The following ZFHX3 variants were observed in gnomAD, a reference collection of about 807,000 sequenced individuals.
ZFHX3 encodes the protein zinc finger homeobox 3.
ZFHX3 carries 42 observed loss-of-function variants against 279.1 expected under a neutral mutation model. The ratio of observed to expected loss-of-function variants is 0.15; its 90% CI spans 0.12 to 0.19. The LOEUF (loss-of-function observed/expected upper bound fraction) is 0.19, where lower values mean the gene tolerates loss of function less well. ZFHX3 is among the 10% of genes least tolerant of loss of function. The pLI is 1.00. For synonymous variants in ZFHX3, 2,293 were observed against 1,957.8 expected, an observed-to-expected ratio of 1.17 and a Z score of -4.52; for missense variants, 4,981 against 4,754.0, an observed-to-expected ratio of 1.05 and a Z score of -1.40.
intron 2 of ZFHX3, among the ~76,000 whole-genome samples, chr16:73,673,682 T>C (rs2052925854): frequency 6.6e-6 from 1 of 152,116 alleles, no homozygotes; most frequent in South Asian, 2.1e-4. Context: ...AGGAAGAGGG[T>C]ATGGCATTTG....
At chr16:72,921,672 A>G (rs139267084) in intron 3 of ZFHX3, among the ~76,000 whole-genome samples, 2 of 152,280 alleles carry the variant, frequency 1.3e-5, no homozygotes, top group African/African-American at 4.8e-5. Context: ...CACTGCATGT[A>G]CAGAAGGGGA....
At chr16:73,203,415 G>T (rs773754729) in intron 5 of ZFHX3, among the ~76,000 whole-genome samples, 125 of 152,302 alleles carry the variant, frequency 8.2e-4, no homozygotes, top group Admixed American at 3.1e-3. Context: ...AATTTGACTT[G>T]CATTATGGAT....
At chr16:72,878,209 A>C (rs985604048) in intron 4 of ZFHX3, among the ~76,000 whole-genome samples, 3 of 152,150 alleles carry the variant, frequency 2.0e-5, no homozygotes, top group Admixed American at 6.6e-5. Context: ...AAAACAAAAA[A>C]ACAAAAAAAA....
At chr16:72,908,685 T>C (rs372874325) in intron 3 of ZFHX3, among the ~76,000 whole-genome samples, 178 of 152,286 alleles carry the variant, frequency 1.2e-3, no homozygotes, top group South Asian at 8.1e-3. Context: ...CAAATTGCCA[T>C]TGGGCTTTGT....
intron 4 of ZFHX3, among the ~76,000 whole-genome samples, chr16:72,860,179 G>A (rs191218702): frequency 3.6e-4 from 55 of 152,180 alleles, no homozygotes; most frequent in Admixed American, 1.4e-3. Flanking sequence ...ACGGCTTTCT[G>A]TTTAGAGCAG....
intron 4 of ZFHX3, among the ~76,000 whole-genome samples, chr16:72,886,674 C>T (rs1695934255): frequency 6.6e-6 from 1 of 152,150 alleles, no homozygotes; most frequent in Non-Finnish European, 1.5e-5. Flanking sequence ...ACACCCCAAA[C>T]AAAGCACAAA....
intron 1 of ZFHX3, among the ~76,000 whole-genome samples, chr16:73,800,830 C>T (rs966069654): frequency 1.3e-5 from 2 of 152,118 alleles, no homozygotes; most frequent in African/African-American, 4.8e-5. Flanking sequence ...AAAACAGCAC[C>T]CATCCTTCTG....
intron 3 of ZFHX3, among the ~76,000 whole-genome samples, chr16:72,890,811 C>G (rs1411807859): frequency 6.6e-6 from 1 of 152,376 alleles, no homozygotes; most frequent in South Asian, 2.1e-4. Flanking sequence ...AACACAGCCA[C>G]GTCCATTGAT....
At position 73,644,190 on chromosome 16, in the gene ZFHX3, T is replaced by C. The variant is rs1370648925; in HGVS notation, c.-1547+35990A>G. On this transcript the variant is annotated intron_variant, in intron 2 of 17. Transcript: ENST00000641206. ...CGGTTTATACCCATTCTCTCTTGGT[T>C]AAGGCATTAAAATGCAAACACATGT... Among the ~76,000 whole-genome samples, 3 of 152,106 alleles carry C rather than the reference T, an allele frequency of 2.0e-5. 1 individual carries two copies. The highest frequency in any genetic ancestry group is 3.9e-4 in the East Asian group (2 of 5,186).
chr16:73,557,094 CAAAAA>C (rs397766441), intron 2 of ZFHX3, among the ~76,000 whole-genome samples: 38 of 68,548 alleles, frequency 5.5e-4, no homozygotes, highest in African/African-American at 2.5e-3. Context: ...GACTCCGTCT[CAAAAA>C]AAAAAAAAAA....
rs1597222145 is a variant in ZFHX3, at chr16:72,787,667, C to T, written c.10609G>A (p.Ala3537Thr). The T allele has an allele frequency of 6.4e-7, 1 of 1,562,776 alleles. No homozygotes were observed. The highest frequency in any genetic ancestry group is 8.7e-7 in the Non-Finnish European group (1 of 1,154,070). The part of the protein sequence containing the change: ...GSYHCLACES[A>T]LCGEEALSQH... ...CTCAGAGCTTCCTCCCCACAGAGCG[C>T]GCTCTCGCACGCCAGGCAGTGGTAC... Residue 3537 changes from alanine (A) to threonine (T), a missense_variant, in exon 10 of 10, where the codon GCG becomes ACG. By Grantham distance (58) the Ala-to-Thr change is moderately conservative (BLOSUM62 0). This residue lies in a region of ZFHX3 where 1,034 missense variants were observed against 786.0 expected (regional missense o/e 1.32). Transcript: ENST00000268489.
intron 3 of ZFHX3, among the ~76,000 whole-genome samples, chr16:73,409,396 T>G (rs2017423235): frequency 6.6e-6 from 1 of 152,200 alleles, no homozygotes; most frequent in Non-Finnish European, 1.5e-5. Flanking sequence ...TGGAACATGC[T>G]TGCACCTTTC....
chr16:73,143,376 T>G lies in ZFHX3; in HGVS notation c.-1024+376A>C, dbSNP rs1318815876. On this transcript the variant is annotated intron_variant, in intron 6 of 17. Coordinates refer to the ZFHX3 transcript ENST00000641206. ...CGAGAAGTGGGAAGATTGACAAAGA[T>G]AACATTGGCAGAGACATAGTAGGGT... Among the ~76,000 whole-genome samples the G allele has an allele frequency of 2.0e-5, 3 of 151,994 alleles. No individual in the cohort carries two copies. In the East Asian group the frequency reaches 5.8e-4, roughly 29 times the overall value.
At chr16:73,327,158 T>G (rs1393793486) in intron 3 of ZFHX3, among the ~76,000 whole-genome samples, 1 of 152,210 alleles carries the variant, frequency 6.6e-6, no homozygotes, top group Non-Finnish European at 1.5e-5. Context: ...AGAGTAGTAT[T>G]CTGAGAAGCC....
intron 1 of ZFHX3, among the ~76,000 whole-genome samples, chr16:73,757,360 G>A (rs901965887): frequency 2.0e-5 from 3 of 152,194 alleles, no homozygotes; most frequent in African/African-American, 4.8e-5. Context: ...GGATCCCTTC[G>A]GCCTCCATAA....
At chr16:73,430,127 T>C (rs2017886015) in intron 3 of ZFHX3, among the ~76,000 whole-genome samples, 1 of 152,122 alleles carries the variant, frequency 6.6e-6, no homozygotes, top group Non-Finnish European at 1.5e-5. Context: ...TGGCCTCAAG[T>C]GATCCTCCCT....
chr16:73,484,698 A>C (rs944478088), intron 2 of ZFHX3, among the ~76,000 whole-genome samples: 6 of 152,230 alleles, frequency 3.9e-5, no homozygotes, highest in African/African-American at 1.4e-4. Flanking sequence ...CCTTTAAAAC[A>C]ATCAACTTCC....
At chr16:73,216,242 C>T (rs2012203479) in intron 5 of ZFHX3, among the ~76,000 whole-genome samples, 1 of 152,216 alleles carries the variant, frequency 6.6e-6, no homozygotes, top group Non-Finnish European at 1.5e-5. Flanking sequence ...CCAAAACTGC[C>T]ATGGGATTAT....
chr16:73,571,308 T>C (rs1445201671), intron 2 of ZFHX3, among the ~76,000 whole-genome samples: 1 of 148,110 alleles, frequency 6.8e-6, no homozygotes, highest in Non-Finnish European at 1.5e-5. Flanking sequence ...TCAGATAGTA[T>C]TAAAGTAAAA....
Sources: allele counts gnomAD v4.1 joint callset (sites outside exome capture counted in the v4.1 genomes callset), GRCh38; gene constraint gnomAD v4.1.1; regional missense constraint gnomAD v4.1.1; transcripts MANE v1.5; gene names NCBI Gene and HGNC (gene_info 2026-07-23, HGNC 2026-07-21).